The following XXYLT1 variants were observed in gnomAD, a reference collection of about 807,000 sequenced individuals.
XXYLT1 encodes UDP-xylose:alpha-xyloside alpha-1,3-xylosyltransferase.
XXYLT1 carries 20 observed loss-of-function variants against 28.9 expected under a neutral mutation model. That is an observed-to-expected ratio of 0.69 (90% confidence interval 0.49 to 1.00). The LOEUF (loss-of-function observed/expected upper bound fraction) is 1.00, where lower values mean the gene tolerates loss of function less well. Ranked by LOEUF, XXYLT1 falls within the 50% of genes least tolerant of loss-of-function variation. The pLI, the probability that XXYLT1 is intolerant of heterozygous loss-of-function variation, is 0.00. For missense variants in XXYLT1, 542 were observed against 560.1 expected, an observed-to-expected ratio of 0.97 and a Z score of 0.33; for synonymous variants, 257 against 253.8, an observed-to-expected ratio of 1.01 and a Z score of -0.12.
At chr3:195,155,991 C>T (rs549647344) in intron 3 of XXYLT1, among the ~76,000 whole-genome samples, 54 of 152,314 alleles carry the variant, frequency 3.5e-4, no homozygotes, top group African/African-American at 1.2e-3. Flanking sequence ...TGCGCTTCTT[C>T]GTGCTGACTA....
intron 3 of XXYLT1, among the ~76,000 whole-genome samples, chr3:195,123,539 G>C (rs1012496852): frequency 6.6e-6 from 1 of 152,196 alleles, no homozygotes; most frequent in Admixed American, 6.5e-5. Context: ...TGAGTCCTGA[G>C]GGCTGCAAGG....
In XXYLT1 at chr3:195,257,159, C is replaced by T. The variant is rs1725509765; in HGVS notation, c.504+13396G>A. Among the ~76,000 whole-genome samples, 1 of 152,214 alleles carries T rather than the reference C, an allele frequency of 6.6e-6. No homozygotes were observed. Among genetic ancestry groups the T allele is most frequent in the Non-Finnish European group, 1.5e-5 (1 of 68,040 alleles). On this transcript the variant is annotated intron_variant, in intron 1 of 3. Transcript: ENST00000310380. The surrounding 1 kb of genome is among the most constrained non-coding windows in gnomAD (Gnocchi z 4.3). ...GTCCCGCAAGTCTGAGCAGCATGTG[C>T]ACAGGACATCTGACGGGCATCGGTG...
Position 195,176,149 on chromosome 3 carries a change from T to C in XXYLT1, c.653-19568A>G, listed in dbSNP as rs925450943. Among the ~76,000 whole-genome samples the C allele has an allele frequency of 3.9e-5, 6 of 152,154 alleles. No homozygotes were observed. The highest frequency in any genetic ancestry group is 1.4e-4 in the African/African-American group (6 of 41,442). On this transcript the variant is annotated intron_variant, in intron 2 of 3. Transcript: ENST00000310380. The surrounding 1 kb of genome is among the most constrained non-coding windows in gnomAD (Gnocchi z 4.9). ...CCAACTCACTGCAACCTCCATCTCC[T>C]GGGCTCAGATGATCCTCCCACCTCA...
intron 3 of XXYLT1, among the ~76,000 whole-genome samples, chr3:195,119,121 CA>C (rs112040231): frequency 1.9e-3 from 267 of 139,946 alleles, no homozygotes; most frequent in Admixed American, 2.6e-3. Flanking sequence ...ACTAAAAATA[CA>C]AAAAAAAAAA....
intron 2 of XXYLT1, among the ~76,000 whole-genome samples, chr3:195,223,224 C>A (rs1308181394): frequency 6.6e-6 from 1 of 151,922 alleles, no homozygotes; most frequent in African/African-American, 2.4e-5. Context: ...GAGTGAGACT[C>A]TGTCTCAAAA....
At chr3:195,132,351 C>T (rs1002019248) in intron 3 of XXYLT1, among the ~76,000 whole-genome samples, 4 of 151,928 alleles carry the variant, frequency 2.6e-5, no homozygotes, top group Non-Finnish European at 5.9e-5. Flanking sequence ...CCTATAGTCC[C>T]GACTACTCGG....
chr3:195,107,071 C>T (rs1717135950), intron 3 of XXYLT1, among the ~76,000 whole-genome samples: 2 of 152,334 alleles, frequency 1.3e-5, no homozygotes, highest in East Asian at 3.9e-4. Context: ...GGCACCTGCC[C>T]TTTGCCTGGT....
chr3:195,108,909 C>T (rs1474791381), intron 3 of XXYLT1, among the ~76,000 whole-genome samples: 2 of 152,194 alleles, frequency 1.3e-5, no homozygotes, highest in Non-Finnish European at 2.9e-5. Context: ...GGTAACGTCA[C>T]GTCCCACACA....
In XXYLT1 at chr3:195,168,892, C is replaced by T. The variant is rs2108709596; in HGVS notation, c.653-12311G>A. Among the ~76,000 whole-genome samples the T allele has an allele frequency of 6.6e-6, 1 of 152,326 alleles. No homozygotes were observed. The highest frequency in any genetic ancestry group is 2.4e-5 in the African/African-American group (1 of 41,568). ...CCCCATCCCCATCACAAAGTCTGAG[C>T]TCTTTTGCCTCAATGTGGTCCCTTT... On this transcript the variant is annotated intron_variant, in intron 2 of 3. Transcript: ENST00000310380. This position sits in a 1 kb window ranked among gnomAD's most constrained non-coding sequence, Gnocchi z 4.3.
At chr3:195,097,829 C>T (rs58774614) in intron 3 of XXYLT1, among the ~76,000 whole-genome samples, 8,997 of 152,004 alleles carry the variant, frequency 0.059, 362 homozygotes, top group South Asian at 0.14. Flanking sequence ...CCCCCCACCA[C>T]GCACACACAA....
At chr3:195,128,252 T>C (rs1251223532) in intron 3 of XXYLT1, among the ~76,000 whole-genome samples, 1 of 152,082 alleles carries the variant, frequency 6.6e-6, no homozygotes, top group African/African-American at 2.4e-5. Context: ...CGCCTGCACA[T>C]CCCTTCCTAC....
intron 3 of XXYLT1, among the ~76,000 whole-genome samples, chr3:195,102,685 T>C (rs1367939000): frequency 6.6e-6 from 1 of 152,196 alleles, no homozygotes; most frequent in Non-Finnish European, 1.5e-5. Context: ...GTGTCTTGTA[T>C]GTTACAATTT....
intron 2 of XXYLT1, among the ~76,000 whole-genome samples, chr3:195,222,995 G>A (rs116600254): frequency 2.5e-3 from 380 of 152,146 alleles, no homozygotes; most frequent in African/African-American, 8.5e-3. Context: ...AGGCCAAAGC[G>A]GGCAGATCAC....
intron 2 of XXYLT1, among the ~76,000 whole-genome samples, chr3:195,202,641 A>T (rs998048648): frequency 6.6e-6 from 1 of 152,194 alleles, no homozygotes; most frequent in Non-Finnish European, 1.5e-5. Flanking sequence ...AGAAGGTGAA[A>T]ATCTGGGACC....
chr3:195,110,252 G>GTAT (rs1560100565), intron 3 of XXYLT1, among the ~76,000 whole-genome samples: 3 of 5,802 alleles, frequency 5.2e-4, no homozygotes, highest in Non-Finnish European at 8.7e-4. Flanking sequence ...GTGTGTGGGT[G>GTAT]AAGTGTGTGT....
intron 2 of XXYLT1, among the ~76,000 whole-genome samples, chr3:195,206,074 G>C (rs1035611799): frequency 2.7e-5 from 4 of 146,964 alleles, no homozygotes; most frequent in Non-Finnish European, 5.9e-5. Context: ...ACCCAGCCTG[G>C]AGTGCAGTGG....
intron 3 of XXYLT1, among the ~76,000 whole-genome samples, chr3:195,140,849 TG>T (rs1294030270): frequency 1.3e-5 from 2 of 152,086 alleles, no homozygotes; most frequent in African/African-American, 4.8e-5. Context: ...GAGATTTGGG[TG>T]GGGACACACA....
intron 2 of XXYLT1, among the ~76,000 whole-genome samples, chr3:195,208,282 C>A (rs77235340): frequency 6.6e-6 from 1 of 152,006 alleles, no homozygotes; most frequent in African/African-American, 2.4e-5. Flanking sequence ...GAGGGCAAAC[C>A]GCACATCTGA....
intron 3 of XXYLT1, among the ~76,000 whole-genome samples, chr3:195,121,519 G>C (rs1422537687): frequency 6.6e-6 from 1 of 152,094 alleles, no homozygotes. Flanking sequence ...GCTCCTCTTT[G>C]CTGCCTAGCC....
Sources: gnomAD v4.1 joint callset for allele counts (sites outside exome capture counted in the v4.1 genomes callset) on GRCh38, gnomAD v4.1.1 for gene constraint, Gnocchi (gnomAD v3.1) non-coding constraint, MANE v1.5 for transcripts, NCBI Gene and HGNC (gene_info 2026-07-23, HGNC 2026-07-21) for gene names.